Variants in SLC25A13 observed in about 807,000 individuals in gnomAD.
SLC25A13 encodes the protein solute carrier family 25 member 13.
Under a neutral mutation model 85.5 loss-of-function variants are expected in SLC25A13, and 70 were observed. The ratio of observed to expected loss-of-function variants is 0.82; its 90% CI spans 0.68 to 1.00. SLC25A13 has a LOEUF of 1.00. SLC25A13 is among the 50% of genes least tolerant of loss of function. SLC25A13 has a pLI of 0.00. For missense variants in SLC25A13, 765 were observed against 819.8 expected, an observed-to-expected ratio of 0.93 and a Z score of 0.82; for synonymous variants, 259 against 288.7, an observed-to-expected ratio of 0.90 and a Z score of 1.04.
In SLC25A13 at chr7:96,321,993, G is replaced by A; in HGVS notation, c.-37C>T. 1.3e-6 allele frequency: 2 copies of A among 1,535,932 alleles called. No homozygotes were observed. The highest frequency in any genetic ancestry group is 1.8e-6 in the Non-Finnish European group (2 of 1,141,870). The stretch of plus-strand genomic sequence containing the variant: ...GTTGCGGGCGACTGCGGGACCCACT[G>A]ACTGGCTGGCTGGCGTTTGGGACCC... On this transcript the variant is annotated 5_prime_UTR_variant, in exon 1 of 18. Coordinates refer to ENST00000265631, the MANE Select transcript of SLC25A13 (RefSeq NM_014251.3).
intron 3 of SLC25A13, among the ~76,000 whole-genome samples, chr7:96,238,990 A>G (rs1474141879): frequency 2.0e-5 from 3 of 147,446 alleles, no homozygotes; most frequent in African/African-American, 7.4e-5. Flanking sequence ...AGCTTATAAT[A>G]TATAAAGACA....
At chr7:96,125,136 G>A (rs912746044) in intron 15 of SLC25A13, among the ~76,000 whole-genome samples, 1 of 151,888 alleles carries the variant, frequency 6.6e-6, no homozygotes, top group African/African-American at 2.4e-5. Context: ...TTGATGCCCA[G>A]GCTGGGGCTG....
chr7:96,230,403 G>A (rs1303106506), intron 4 of SLC25A13, among the ~76,000 whole-genome samples: 2 of 152,206 alleles, frequency 1.3e-5, no homozygotes, highest in African/African-American at 2.4e-5. Flanking sequence ...AGATCCAGAT[G>A]TAAAAGTTCA....
intron 1 of SLC25A13, among the ~76,000 whole-genome samples, chr7:96,311,069 G>GACAT (rs1389392690): frequency 3.9e-5 from 6 of 151,924 alleles, no homozygotes; most frequent in Non-Finnish European, 8.8e-5. Context: ...CTCATATATA[G>GACAT]ACATACATAC....
chr7:96,204,818 G>A (rs1448769152), intron 5 of SLC25A13, among the ~76,000 whole-genome samples: 1 of 152,140 alleles, frequency 6.6e-6, no homozygotes, highest in African/African-American at 2.4e-5. Flanking sequence ...AACCCGACAT[G>A]CTCAGCAAAT....
At chr7:96,213,262 G>A (rs1351715869) in intron 4 of SLC25A13, among the ~76,000 whole-genome samples, 1 of 151,960 alleles carries the variant, frequency 6.6e-6, no homozygotes, top group Non-Finnish European at 1.5e-5. Flanking sequence ...CCTCACTCTG[G>A]GAGACATTAT....
chr7:96,252,841 C>A (rs1030585602), intron 3 of SLC25A13, among the ~76,000 whole-genome samples: 1 of 152,132 alleles, frequency 6.6e-6, no homozygotes, highest in Admixed American at 6.5e-5. Flanking sequence ...CACCTGTAAT[C>A]CCAGCACTTT....
At chr7:96,238,862 C>T (rs1301790456) in intron 3 of SLC25A13, among the ~76,000 whole-genome samples, 1 of 151,744 alleles carries the variant, frequency 6.6e-6, no homozygotes, top group Non-Finnish European at 1.5e-5. Context: ...TAGAATCACA[C>T]TATGCGTTAT....
chr7:96,137,553 T>C (rs926681395), intron 14 of SLC25A13, among the ~76,000 whole-genome samples: 3 of 152,214 alleles, frequency 2.0e-5, no homozygotes, highest in African/African-American at 7.2e-5. Flanking sequence ...TACAGAGGAA[T>C]GTTATCACAT....
At chr7:96,224,651 T>C (rs765806093) in intron 4 of SLC25A13, among the ~76,000 whole-genome samples, 3 of 152,258 alleles carry the variant, frequency 2.0e-5, no homozygotes, top group Non-Finnish European at 4.4e-5. Context: ...CAACTTTCTA[T>C]GTACACTGGT....
intron 13 of SLC25A13, among the ~76,000 whole-genome samples, chr7:96,155,832 C>A (rs555405733): frequency 6.6e-6 from 1 of 152,304 alleles, no homozygotes; most frequent in South Asian, 2.1e-4. Flanking sequence ...ATCCCCCAAT[C>A]ATGCTGACAC....
chr7:96,210,396 A>G (rs1278875415), intron 4 of SLC25A13, among the ~76,000 whole-genome samples: 1 of 152,212 alleles, frequency 6.6e-6, no homozygotes, highest in African/African-American at 2.4e-5. Flanking sequence ...CAAACAAACA[A>G]AAAAGATTCT....
At chr7:96,250,248 G>A (rs537727159) in intron 3 of SLC25A13, among the ~76,000 whole-genome samples, 10 of 152,274 alleles carry the variant, frequency 6.6e-5, no homozygotes, top group African/African-American at 2.4e-4. Flanking sequence ...GCAAGAGAAG[G>A]TGGGTTTCAA....
chr7:96,224,936 G>C (rs1796277481), intron 4 of SLC25A13, among the ~76,000 whole-genome samples: 1 of 151,990 alleles, frequency 6.6e-6, no homozygotes, highest in Non-Finnish European at 1.5e-5. Flanking sequence ...TCCATCACAG[G>C]CAACACTATG....
At position 96,191,248 on chromosome 7, in the gene SLC25A13, C is replaced by T. The variant is rs1237580494; in HGVS notation, c.616-1G>A. The T allele has an allele frequency of 6.2e-7, 1 of 1,613,530 alleles. No individual in the cohort carries two copies. Among genetic ancestry groups the T allele is most frequent in the Non-Finnish European group, 8.5e-7 (1 of 1,179,854 alleles). ...GATGGGATGTGGTACCTCCAGCAGC[C>T]TCAAATAAATTGAAAACAAGAGAGA... On this transcript the variant is annotated splice_acceptor_variant, in intron 6 of 17. Transcript: ENST00000265631. LOFTEE classifies it high-confidence loss of function.
chr7:96,315,954 CA>C lies in SLC25A13; in HGVS notation c.15+5987del, dbSNP rs769662773. Among the ~76,000 whole-genome samples, 929 of 136,192 alleles carry C rather than the reference CA, an allele frequency of 6.8e-3. 6 individuals are homozygous for C. The highest frequency in any genetic ancestry group is 0.046 in the East Asian group (219 of 4,774). 89.3% of individuals were successfully genotyped at this position (136,192 alleles called of 152,430 possible). ...CGACATAGCAAGACCCCCGTCTCTA[CA>C]AAAAAAAAAAAAATTTTAATTAGCT... On this transcript the variant is annotated intron_variant, in intron 1 of 17. Coordinates refer to ENST00000265631, the MANE Select transcript of SLC25A13 (RefSeq NM_014251.3).
chr7:96,125,008 T>C (rs34577134), intron 15 of SLC25A13, among the ~76,000 whole-genome samples: 6,262 of 152,284 alleles, frequency 0.041, 434 homozygotes, highest in African/African-American at 0.14. Flanking sequence ...TGAATACATA[T>C]ACCAAAGTCA....
chr7:96,206,885 G>T (rs1795484265), intron 5 of SLC25A13, among the ~76,000 whole-genome samples: 1 of 152,160 alleles, frequency 6.6e-6, no homozygotes, highest in Non-Finnish European at 1.5e-5. Flanking sequence ...CTTGCTTAGA[G>T]GAGGAAACAC....
chr7:96,273,332 G>T (rs1427446146), intron 3 of SLC25A13, among the ~76,000 whole-genome samples: 1 of 152,110 alleles, frequency 6.6e-6, no homozygotes, highest in Non-Finnish European at 1.5e-5. Flanking sequence ...AAAAAAGAAA[G>T]AAACAAGAAT....
Sources: allele counts gnomAD v4.1 joint callset (sites outside exome capture counted in the v4.1 genomes callset), GRCh38; gene constraint gnomAD v4.1.1; transcripts MANE v1.5; gene names NCBI Gene and HGNC (gene_info 2026-07-23, HGNC 2026-07-21).